Variants in DBH observed in about 807,000 individuals in gnomAD.
The protein encoded by DBH is dopamine beta-hydroxylase, also known as dopamine beta-hydroxylase (dopamine beta-monooxygenase).
DBH carries 49 observed loss-of-function variants against 64.0 expected under a neutral mutation model. That is an observed-to-expected ratio of 0.77 (90% CI 0.61 to 0.97). DBH has a LOEUF of 0.97. DBH is among the 50% of genes least tolerant of loss of function. The pLI, the probability that DBH is intolerant of heterozygous loss-of-function variation, is 0.00. For missense variants in DBH, 828 were observed against 826.6 expected (o/e 1.00, Z -0.02); for synonymous variants, 343 against 347.1 (o/e 0.99, Z 0.13).
chr9:133,651,309 G>A (rs1229972487), intron 6 of DBH, among the ~76,000 whole-genome samples: 1 of 152,224 alleles, frequency 6.6e-6, no homozygotes, highest in East Asian at 1.9e-4. Context: ...CGGGAGGCTC[G>A]CCTTAAAGGC....
intron 5 of DBH, 31 bp from the exon 6 acceptor site, chr9:133,647,815 G>A (rs372914149): frequency 2.1e-4 from 336 of 1,613,756 alleles, no homozygotes; most frequent in African/African-American, 1.1e-3. Context: ...TCCACTTACC[G>A]CTCACCTCCA....
At chr9:133,637,265 C>T (rs1224708535) in intron 1 of DBH, among the ~76,000 whole-genome samples, 1 of 152,262 alleles carries the variant, frequency 6.6e-6, no homozygotes, top group Non-Finnish European at 1.5e-5. Context: ...CCCCACAGGG[C>T]TCAGCCAAAA....
chr9:133,643,230 C>A lies in DBH; in HGVS notation c.745-183C>A, dbSNP rs546867563. On this transcript the variant is annotated intron_variant, in intron 3 of 11. Transcript: ENST00000393056. This position sits in a 1 kb window ranked among gnomAD's most constrained non-coding sequence, Gnocchi z 5.3. ...ATTTCCTTCACTCTGGAGCTGCCTA[C>A]GGGATTTCTTTCTGGGCTGATGGCT... 1.1e-4 allele frequency among the ~76,000 whole-genome samples: 17 copies of A among 152,194 alleles called. No homozygotes were observed. The highest frequency in any genetic ancestry group is 1.0e-3 in the South Asian group (5 of 4,822).
chr9:133,647,526 A>T (rs2131288532), intron 5 of DBH, among the ~76,000 whole-genome samples: 1 of 152,336 alleles, frequency 6.6e-6, no homozygotes, highest in Admixed American at 6.5e-5. Flanking sequence ...CCCGCACCTG[A>T]TTCCATGGAG....
At chr9:133,644,586 C>T (rs1322583191) in intron 5 of DBH, among the ~76,000 whole-genome samples, 1 of 152,246 alleles carries the variant, frequency 6.6e-6, no homozygotes, top group Admixed American at 6.5e-5. Flanking sequence ...CCCTATAATA[C>T]GGGCTGCCAT....
chr9:133,656,294 C>A (rs1284220937), intron 9 of DBH: 2 of 557,332 alleles, frequency 3.6e-6, no homozygotes, highest in Non-Finnish European at 6.5e-6. Flanking sequence ...CTCACAGCAT[C>A]ATCAGTACCT....
Position 133,643,339 on chromosome 9 carries a change from C to T in DBH, c.745-74C>T. 6.6e-7 allele frequency: 1 copy of T among 1,512,778 alleles called. No individual in the cohort carries two copies. The allele number at this position is 1,512,778 out of a possible 1,614,324, so 93.7% of individuals were successfully genotyped here. Reference sequence around the variant, plus strand: ...CATTTTACAGATGGGCATTCGGAAGCCCATGGAGGAGGGCTGCTGGGGAGG... The same window carrying T: ...CATTTTACAGATGGGCATTCGGAAGTCCATGGAGGAGGGCTGCTGGGGAGG... On this transcript the variant is annotated intron_variant, in intron 3 of 11. Transcript: ENST00000393056. The surrounding 1 kb of genome is among the most constrained non-coding windows in gnomAD (Gnocchi z 5.3).
rs1233316289 is a variant in DBH at position 133,642,218 on chromosome 9, C to T, written c.498C>T (p.Val166=). 2 of 1,613,414 alleles carry T rather than the reference C, an allele frequency of 1.2e-6. No homozygotes were observed. Among genetic ancestry groups the T allele is most frequent in the Non-Finnish European group, 1.7e-6 (2 of 1,179,986 alleles). The part of the protein sequence containing the change: ...PKDYLIEDGT[V]HLVYGILEEP... ...TGTCTCGGCTGCAGGACGGCACTGT[C>T]CACTTGGTCTACGGGATCCTGGAGG... Residue 166 remains valine (V), a synonymous_variant, in exon 3 of 12, where the codon GTC becomes GTT. Coordinates refer to ENST00000393056, the MANE Select transcript of DBH (RefSeq NM_000787.4).
chr9:133,657,074 A>G lies in DBH; in HGVS notation c.1567A>G (p.Asn523Asp), dbSNP rs1375624629. Residue 523 changes from asparagine to aspartate, a missense_variant, in exon 11 of 12, where the codon AAC becomes GAC. By Grantham distance (23) the Asn-to-Asp change is conservative (BLOSUM62 1). Transcript: ENST00000393056. ...GCTGTTCCTTGTCCCCACCAGGTTC[A>G]ACAACGAGGATGTCTGCACCTGCCC... The part of the protein sequence containing the change: ...QKYFHLINRF[N>D]NEDVCTCPQA... The G allele has an allele frequency of 1.2e-6, 2 of 1,613,728 alleles. No homozygotes were observed. Among genetic ancestry groups the G allele is most frequent in the South Asian group, 1.1e-5 (1 of 91,080 alleles).
intron 1 of DBH, among the ~76,000 whole-genome samples, chr9:133,638,627 G>T (rs1222393312): frequency 1.3e-5 from 2 of 152,164 alleles, no homozygotes; most frequent in African/African-American, 4.8e-5. Flanking sequence ...GTGAGAGTCA[G>T]GTGGAGGAGG....
In DBH at chr9:133,643,510, G is replaced by C. The variant is rs1337217694; in HGVS notation, c.842G>C (p.Gly281Ala). The C allele has an allele frequency of 6.2e-7, 1 of 1,613,722 alleles. No individual in the cohort carries two copies. The highest frequency in any genetic ancestry group is 1.7e-5 in the Admixed American group (1 of 60,000). ...ATGGACAGCGTCCCCCACTTCAGCGGGCCCTGCGACTCCAAGATGAAACCC... is the reference window on the plus strand; with the variant it reads ...ATGGACAGCGTCCCCCACTTCAGCGCGCCCTGCGACTCCAAGATGAAACCC... ...PEMDSVPHFS[G>A]PCDSKMKPDR... The change falls in exon 4 of 12, where the codon GGG becomes GCG. Residue 281 changes from glycine (G) to alanine (A), a missense_variant. Physicochemically the swap from Gly to Ala is moderately conservative, Grantham distance 60. Transcript: ENST00000393056. This position sits in a 1 kb window ranked among gnomAD's most constrained non-coding sequence, Gnocchi z 5.3.
chr9:133,651,564 G>T, intron 6 of DBH, 70 bp from the exon 7 acceptor site: 1 of 1,598,504 alleles, frequency 6.3e-7, no homozygotes. Context: ...CTCCCTACCG[G>T]GTCCTGGCCA....
rs1832316835 is a variant in DBH, at chr9:133,656,274, T to A, written c.1435-249T>A. On this transcript the variant is annotated intron_variant, in intron 9 of 11. Coordinates refer to ENST00000393056, the MANE Select transcript of DBH (RefSeq NM_000787.4). The stretch of plus-strand genomic sequence containing the variant: ...ATAACACCCCATCCGCTTGTCCCGT[T>A]TCATTTTTCCTCACAGCATCATCAG... 1.4e-5 allele frequency: 7 copies of A among 502,776 alleles called. No individual in the cohort carries two copies. In the South Asian group the frequency reaches 1.4e-4, roughly 10 times the overall value. The allele number at this position is 502,776 out of a possible 1,614,324, so 31.1% of individuals were successfully genotyped here.
rs1611123 is a variant in DBH, at chr9:133,643,961, C to T, written c.922-257C>T. On this transcript the variant is annotated intron_variant, in intron 4 of 11. Coordinates refer to ENST00000393056, the MANE Select transcript of DBH (RefSeq NM_000787.4). This position sits in a 1 kb window ranked among gnomAD's most constrained non-coding sequence, Gnocchi z 5.3. ...TGGGGGTCTCCCCAGCTCTTACACC[C>T]GTCTAGAGAAGGGGTTTTGGGGGAA... 0.42 allele frequency among the ~76,000 whole-genome samples: 63,100 copies of T among 151,862 alleles called. 13,538 individuals are homozygous for T. Among genetic ancestry groups the T allele is most frequent in the Non-Finnish European group, 0.47 (31,817 of 67,894 alleles).
At chr9:133,656,683 A>G (rs778232491) in intron 10 of DBH, 33 bp downstream of exon 10, 2 of 1,608,402 alleles carry the variant, frequency 1.2e-6, no homozygotes, top group Admixed American at 1.7e-5. Context: ...CCCTGCCCCC[A>G]GGGAACCCCG....
intron 6 of DBH, among the ~76,000 whole-genome samples, chr9:133,648,557 T>C (rs894442444): frequency 6.6e-6 from 1 of 152,258 alleles, no homozygotes; most frequent in Non-Finnish European, 1.5e-5. Context: ...TTTTTATTGC[T>C]GCATAGTATT....
intron 3 of DBH, among the ~76,000 whole-genome samples, chr9:133,642,669 G>C (rs1832131500): frequency 6.6e-6 from 1 of 152,068 alleles, no homozygotes; most frequent in Non-Finnish European, 1.5e-5. Flanking sequence ...ACCCTCAAAG[G>C]GCCTTGGAGC....
At chr9:133,642,179 G>T (rs1611120) in intron 2 of DBH, 28 bp from the exon 3 acceptor site, 4 of 1,610,844 alleles carry the variant, frequency 2.5e-6, no homozygotes, top group African/African-American at 2.7e-5. Flanking sequence ...CTGAGAGGGC[G>T]ACCAGCTGAA....
Position 133,652,925 on chromosome 9 carries a change from T to C in DBH, c.1375-15T>C, listed in dbSNP as rs544363957. ...CAGGTGGCAGGTGCTGATGGTCACA[T>C]TGGCTTTTCCTCAGGGAGATGTGCT... On this transcript the variant is annotated splice_polypyrimidine_tract_variant and intron_variant, in intron 8 of 11. Transcript: ENST00000393056. 1.1e-5 allele frequency: 17 copies of C among 1,611,720 alleles called. No individual in the cohort carries two copies. In the East Asian group the frequency reaches 1.6e-4, roughly 15 times the overall value.
Sources: allele counts gnomAD v4.1 joint callset (sites outside exome capture counted in the v4.1 genomes callset), GRCh38; gene constraint gnomAD v4.1.1; non-coding constraint Gnocchi (gnomAD v3.1); transcripts MANE v1.5; gene names NCBI Gene and HGNC (gene_info 2026-07-23, HGNC 2026-07-21).